Variants in MAGI1 observed in about 807,000 individuals in gnomAD.
MAGI1 encodes membrane associated guanylate kinase, WW and PDZ domain containing 1.
Under a neutral mutation model 139.9 loss-of-function variants are expected in MAGI1, and 58 were observed. The ratio of observed to expected loss-of-function variants is 0.41; its 90% CI spans 0.34 to 0.52. The LOEUF (loss-of-function observed/expected upper bound fraction) is 0.52, where lower values mean the gene tolerates loss of function less well. MAGI1 is among the 20% of genes least tolerant of loss of function. MAGI1 has a pLI of 0.12. For missense variants in MAGI1, 1,874 were observed against 1,901.6 expected, an observed-to-expected ratio of 0.99 and a Z score of 0.27; for synonymous variants, 812 against 737.9, an observed-to-expected ratio of 1.10 and a Z score of -1.63.
At chr3:65,881,778 G>A (rs2108529207) in intron 1 of MAGI1, among the ~76,000 whole-genome samples, 1 of 152,330 alleles carries the variant, frequency 6.6e-6, no homozygotes, top group South Asian at 2.1e-4. Context: ...AGCTCCTAGT[G>A]TTCATCCAAG....
intron 1 of MAGI1, among the ~76,000 whole-genome samples, chr3:65,675,610 T>C (rs2087139335): frequency 6.6e-6 from 1 of 152,128 alleles, no homozygotes; most frequent in Non-Finnish European, 1.5e-5. Flanking sequence ...ACAGACCAAG[T>C]AGGTCTTAAT....
chr3:65,403,490 A>G (rs975725064), intron 12 of MAGI1, among the ~76,000 whole-genome samples: 4 of 152,282 alleles, frequency 2.6e-5, no homozygotes, highest in Admixed American at 2.0e-4. Context: ...ATTAGGTTGT[A>G]TAAGTGTGGG....
intron 2 of MAGI1, among the ~76,000 whole-genome samples, chr3:65,607,693 T>C (rs536440805): frequency 1.3e-5 from 2 of 152,228 alleles, no homozygotes; most frequent in East Asian, 1.9e-4. Context: ...CTATATTTTA[T>C]CTTATTCTCT....
chr3:65,839,535 G>C (rs1262745455), intron 1 of MAGI1, among the ~76,000 whole-genome samples: 1 of 152,112 alleles, frequency 6.6e-6, no homozygotes. Flanking sequence ...ATGGAGGAAG[G>C]ACAGTCTTCA....
chr3:65,395,345 C>T (rs964569994), intron 13 of MAGI1, among the ~76,000 whole-genome samples: 1 of 151,748 alleles, frequency 6.6e-6, no homozygotes, highest in Non-Finnish European at 1.5e-5. Flanking sequence ...AAGAACCCTA[C>T]TAACAGAAAG....
At chr3:65,933,854 G>A (rs1488367135) in intron 1 of MAGI1, among the ~76,000 whole-genome samples, 4 of 152,108 alleles carry the variant, frequency 2.6e-5, no homozygotes, top group Admixed American at 6.5e-5. Flanking sequence ...GGTCAGGTGC[G>A]GGGGCTCATG....
chr3:65,708,611 A>G (rs181335367), intron 1 of MAGI1, among the ~76,000 whole-genome samples: 1 of 152,246 alleles, frequency 6.6e-6, no homozygotes, highest in Admixed American at 6.5e-5. Context: ...GGGAGGAAAG[A>G]AAAAAGGAAG....
chr3:66,019,593 T>G (rs757551041), intron 1 of MAGI1, among the ~76,000 whole-genome samples: 29 of 152,224 alleles, frequency 1.9e-4, no homozygotes, highest in Non-Finnish European at 4.1e-4. Flanking sequence ...GGGTTAAATT[T>G]TATCTACTTG....
intron 1 of MAGI1, among the ~76,000 whole-genome samples, chr3:65,750,713 G>A (rs574746782): frequency 1.5e-4 from 23 of 152,250 alleles, no homozygotes; most frequent in African/African-American, 3.9e-4. Flanking sequence ...TTAGAATCTC[G>A]GGTTTCATGA....
Position 65,895,614 on chromosome 3 carries a change from C to G in MAGI1, c.313+142382G>C, listed in dbSNP as rs562556166. On this transcript the variant is annotated intron_variant, in intron 1 of 22. Coordinates refer to ENST00000402939, the MANE Select transcript of MAGI1 (RefSeq NM_001033057.2). Reference sequence around the variant, plus strand: ...CTATCTATCCGGCAGCTTTCTGTATCAAAGGGAATAACTTAACCTAAATTC... The same window carrying G: ...CTATCTATCCGGCAGCTTTCTGTATGAAAGGGAATAACTTAACCTAAATTC... 5.9e-5 allele frequency among the ~76,000 whole-genome samples: 9 copies of G among 152,294 alleles called. No homozygotes were observed. In the South Asian group the frequency reaches 8.3e-4, roughly 14 times the overall value.
chr3:65,878,604 TAA>T (rs776074699), intron 1 of MAGI1, among the ~76,000 whole-genome samples: 29 of 151,756 alleles, frequency 1.9e-4, no homozygotes, highest in Non-Finnish European at 4.1e-4. Flanking sequence ...CATCCTCGAA[TAA>T]GTGTTTATTA....
chr3:65,734,488 A>AGG lies in MAGI1; in HGVS notation c.314-112401_314-112400insCC, dbSNP rs1285409931. 4.0e-4 allele frequency among the ~76,000 whole-genome samples: 60 copies of AGG among 150,848 alleles called. 1 individual carries two copies. The highest frequency in any genetic ancestry group is 1.4e-3 in the African/African-American group (57 of 41,002). On this transcript the variant is annotated intron_variant, in intron 1 of 22. Coordinates refer to ENST00000402939, the MANE Select transcript of MAGI1 (RefSeq NM_001033057.2). ...AAAAAAAAAAAGAAAGAAGAGAAAG[A>AGG]AAGAGAGAAAGAGGAAGAGAGAGAA...
At chr3:65,669,994 T>C (rs1269125874) in intron 1 of MAGI1, among the ~76,000 whole-genome samples, 1 of 152,190 alleles carries the variant, frequency 6.6e-6, no homozygotes, top group Non-Finnish European at 1.5e-5. Flanking sequence ...GAATTATCCA[T>C]TTGTAAACTG....
intron 3 of MAGI1, among the ~76,000 whole-genome samples, chr3:65,483,470 T>C (rs1951417367): frequency 6.6e-6 from 1 of 152,212 alleles, no homozygotes; most frequent in South Asian, 2.1e-4. Flanking sequence ...CCTTACAAAG[T>C]CTAGCCATGT....
At chr3:65,960,523 G>A (rs1259029897) in intron 1 of MAGI1, among the ~76,000 whole-genome samples, 1 of 152,156 alleles carries the variant, frequency 6.6e-6, no homozygotes, top group East Asian at 1.9e-4. Flanking sequence ...AGAAAACTAG[G>A]ATGTCACTGG....
chr3:65,838,210 G>A (rs543617267), intron 1 of MAGI1, among the ~76,000 whole-genome samples: 1 of 152,162 alleles, frequency 6.6e-6, no homozygotes, highest in Non-Finnish European at 1.5e-5. Context: ...TACTAGGAAG[G>A]CTGAGGCAGG....
chr3:65,984,305 A>C (rs761188441), intron 1 of MAGI1, among the ~76,000 whole-genome samples: 1 of 152,026 alleles, frequency 6.6e-6, no homozygotes, highest in African/African-American at 2.4e-5. Flanking sequence ...AAACTATATA[A>C]ATAGTGTGTT....
chr3:65,356,837 C>T lies in MAGI1; in HGVS notation c.3930G>A (p.Glu1310=). The change falls in exon 23 of 23, where the codon GAG becomes GAA. Residue 1310 remains glutamate, a synonymous_variant. Transcript: ENST00000402939. Reference sequence around the variant, plus strand: ...TGGGGCCGTTGGCGGCTGCCGCGCGCTCGGCCTGCGCGTCCCTCCGTCCCT... The same window carrying T: ...TGGGGCCGTTGGCGGCTGCCGCGCGTTCGGCCTGCGCGTCCCTCCGTCCCT... ...APEGRRDAQA[E]RAAAANGPKR... 6.2e-7 allele frequency: 1 copy of T among 1,612,738 alleles called. No individual in the cohort carries two copies. Among genetic ancestry groups the T allele is most frequent in the Non-Finnish European group, 8.5e-7 (1 of 1,179,146 alleles).
chr3:65,715,096 G>A (rs576372798), intron 1 of MAGI1, among the ~76,000 whole-genome samples: 28 of 152,188 alleles, frequency 1.8e-4, no homozygotes, highest in Admixed American at 9.8e-4. Flanking sequence ...TAAATGTGGT[G>A]TAGTATACAG....
Sources: allele counts gnomAD v4.1 joint callset (sites outside exome capture counted in the v4.1 genomes callset), GRCh38; gene constraint gnomAD v4.1.1; transcripts MANE v1.5; gene names NCBI Gene and HGNC (gene_info 2026-07-23, HGNC 2026-07-21).